SPSB4: variants seen among roughly 807,000 people sequenced by gnomAD.
SPSB4 encodes the protein SPRY domain-containing SOCS box protein 4.
In SPSB4, 21 loss-of-function variants were observed where a neutral mutation model predicts 20.9. That is an observed-to-expected ratio of 1.01 (90% CI 0.71 to 1.45). SPSB4 has a LOEUF of 1.45. Ranked by LOEUF, SPSB4 falls within the 40% of genes most tolerant of loss-of-function variation. The probability of loss-of-function intolerance (pLI) is 0.00; values close to 1 mark genes in which losing one functional copy is unlikely to be tolerated. For missense variants in SPSB4, 399 were observed against 399.2 expected, an observed-to-expected ratio of 1.00 and a Z score of 0.00; for synonymous variants, 207 against 183.8, an observed-to-expected ratio of 1.13 and a Z score of -1.02.
intron 2 of SPSB4, among the ~76,000 whole-genome samples, chr3:141,126,155 G>A (rs146796336): frequency 2.4e-4 from 37 of 152,280 alleles, no homozygotes; most frequent in African/African-American, 7.7e-4. Flanking sequence ...ATCTCATTCA[G>A]TGGCCTCAGA....
At chr3:141,056,026 C>T (rs1437028679) in intron 1 of SPSB4, among the ~76,000 whole-genome samples, 4 of 152,144 alleles carry the variant, frequency 2.6e-5, no homozygotes, top group African/African-American at 7.2e-5. Flanking sequence ...GAGTGAAAAG[C>T]GGAAACTGAA....
At chr3:141,124,507 C>T (rs892224996) in intron 2 of SPSB4, among the ~76,000 whole-genome samples, 2 of 152,142 alleles carry the variant, frequency 1.3e-5, no homozygotes, top group Non-Finnish European at 2.9e-5. Flanking sequence ...GAGAAGGGCT[C>T]ACAGCAGCAG....
intron 2 of SPSB4, among the ~76,000 whole-genome samples, chr3:141,089,502 G>T (rs1166396801): frequency 6.6e-6 from 1 of 152,190 alleles, no homozygotes; most frequent in Non-Finnish European, 1.5e-5. Flanking sequence ...AGAAGGAGGG[G>T]CCTAGCAGGA....
rs1939436885 is a variant in SPSB4, at chr3:141,147,664, G to A, written c.*395G>A. ...TGTGCCCCGTTGCAGACAGGGCCAG[G>A]GAGAAATTAGCCAGTGCAGGGGGAA... is the stretch of plus-strand genomic sequence containing the variant. On this transcript the variant is annotated 3_prime_UTR_variant, in exon 3 of 3. Transcript: ENST00000310546. The A allele has an allele frequency of 5.7e-6, 1 of 176,230 alleles. No individual in the cohort carries two copies. Among genetic ancestry groups the A allele is most frequent in the African/African-American group, 2.3e-5 (1 of 42,622 alleles). 10.9% of individuals were successfully genotyped at this position (176,230 alleles called of 1,614,324 possible). A position where few individuals can be genotyped will look rare whatever the true frequency, so the allele number is the denominator to read the frequency against.
chr3:141,122,584 T>G (rs1417657334), intron 2 of SPSB4, among the ~76,000 whole-genome samples: 3 of 152,224 alleles, frequency 2.0e-5, no homozygotes, highest in African/African-American at 7.2e-5. Context: ...TCTGTCCTAT[T>G]TGAGCTTCCC....
chr3:141,125,996 G>A (rs183748021), intron 2 of SPSB4, among the ~76,000 whole-genome samples: 8 of 152,216 alleles, frequency 5.3e-5, no homozygotes, highest in Admixed American at 2.6e-4. Context: ...GGTGCCCCAC[G>A]CAGACAGGTT....
intron 2 of SPSB4, among the ~76,000 whole-genome samples, chr3:141,076,227 C>T (rs1162782598): frequency 6.6e-6 from 1 of 152,260 alleles, no homozygotes; most frequent in Admixed American, 6.5e-5. Context: ...CCAGGCCAGT[C>T]TCAGGCCTTG....
intron 1 of SPSB4, among the ~76,000 whole-genome samples, chr3:141,053,118 T>G (rs1276191034): frequency 6.6e-6 from 1 of 152,084 alleles, no homozygotes; most frequent in Non-Finnish European, 1.5e-5. Context: ...TTTCCTCTTC[T>G]GCGCCCCACT....
At chr3:141,061,856 C>T (rs1937772564) in intron 1 of SPSB4, among the ~76,000 whole-genome samples, 1 of 152,096 alleles carries the variant, frequency 6.6e-6, no homozygotes. Context: ...CCACCTCAGC[C>T]TCCAAAGTAG....
At chr3:141,135,338 T>TTTATTG (rs1553743610) in intron 2 of SPSB4, among the ~76,000 whole-genome samples, 1 of 148,818 alleles carries the variant, frequency 6.7e-6, no homozygotes, top group African/African-American at 2.5e-5. Flanking sequence ...CAGTTTTTCT[T>TTTATTG]TTATTATTAT....
chr3:141,098,600 G>A (rs1433751360), intron 2 of SPSB4, among the ~76,000 whole-genome samples: 4 of 152,152 alleles, frequency 2.6e-5, no homozygotes, highest in African/African-American at 9.7e-5. Context: ...GAAGGAAGCT[G>A]ATGATTTTTT....
At chr3:141,083,616 G>C (rs1215264866) in intron 2 of SPSB4, among the ~76,000 whole-genome samples, 1 of 151,992 alleles carries the variant, frequency 6.6e-6, no homozygotes, top group Admixed American at 6.6e-5. Context: ...CCATGCTTCT[G>C]CTTGTGCTGT....
At chr3:141,082,666 T>C (rs988699371) in intron 2 of SPSB4, among the ~76,000 whole-genome samples, 2 of 152,146 alleles carry the variant, frequency 1.3e-5, no homozygotes, top group African/African-American at 4.8e-5. Flanking sequence ...TATCTATCTT[T>C]CCATTAAATC....
rs570216626 is a variant in SPSB4 at position 141,099,039 on chromosome 3, T to A, written c.694+32241T>A. On this transcript the variant is annotated intron_variant, in intron 2 of 2. Transcript: ENST00000310546. The stretch of plus-strand genomic sequence containing the variant: ...CCAAGATACTAACCCACTCCTATAG[T>A]AACAGCATTAACATATTTCTGAGCA... Among the ~76,000 whole-genome samples, 7 of 152,158 alleles carry A rather than the reference T, an allele frequency of 4.6e-5. No individual in the cohort carries two copies. The South Asian group carries it at 6.2e-4, about 14-fold the overall frequency.
At chr3:141,087,506 G>A (rs1454674359) in intron 2 of SPSB4, among the ~76,000 whole-genome samples, 1 of 152,194 alleles carries the variant, frequency 6.6e-6, no homozygotes, top group African/African-American at 2.4e-5. Flanking sequence ...TGCTGGGGGA[G>A]CCCCCAGTTG....
At chr3:141,077,370 GTGTCTCCCATCCCTCT>G (rs534221766) in intron 2 of SPSB4, 2 of 152,326 alleles carry the variant, frequency 1.3e-5, no homozygotes, top group East Asian at 3.9e-4. Flanking sequence ...TGGGCGCCTG[GTGTCTCCCATCCCTCT>G]TGTCTCCCAC....
intron 2 of SPSB4, among the ~76,000 whole-genome samples, chr3:141,131,121 C>T (rs11927097): frequency 0.13 from 19,700 of 152,030 alleles, 1,514 homozygotes; most frequent in African/African-American, 0.2. Context: ...GGGCCTGTTA[C>T]GTCATACCAT....
chr3:141,122,431 G>A (rs1356925427), intron 2 of SPSB4, among the ~76,000 whole-genome samples: 1 of 152,192 alleles, frequency 6.6e-6, no homozygotes, highest in Non-Finnish European at 1.5e-5. Context: ...CACCATGCTG[G>A]GAGAACCACT....
At chr3:141,095,643 G>T (rs1938535752) in intron 2 of SPSB4, among the ~76,000 whole-genome samples, 1 of 152,144 alleles carries the variant, frequency 6.6e-6, no homozygotes, top group Non-Finnish European at 1.5e-5. Flanking sequence ...GAAGCTGCCA[G>T]GACCTGGACC....
Sources: gnomAD v4.1 joint callset for allele counts (sites outside exome capture counted in the v4.1 genomes callset) on GRCh38, gnomAD v4.1.1 for gene constraint, MANE v1.5 for transcripts, NCBI Gene and HGNC (gene_info 2026-07-23, HGNC 2026-07-21) for gene names.